Variants in COL11A1 observed in about 807,000 individuals in gnomAD.
COL11A1 encodes the protein collagen alpha-1(XI) chain.
COL11A1 carries 74 observed loss-of-function variants against 265.2 expected under a neutral mutation model. The ratio of observed to expected loss-of-function variants is 0.28; its 90% CI spans 0.23 to 0.34. The LOEUF (loss-of-function observed/expected upper bound fraction) is 0.34, where lower values mean the gene tolerates loss of function less well. Ranked by LOEUF, COL11A1 falls within the 10% of genes least tolerant of loss-of-function variation. COL11A1 has a pLI of 1.00. For missense variants in COL11A1, 2,165 were observed against 2,263.6 expected, an observed-to-expected ratio of 0.96 and a Z score of 0.88; for synonymous variants, 816 against 727.6, an observed-to-expected ratio of 1.12 and a Z score of -1.96.
intron 4 of COL11A1, among the ~76,000 whole-genome samples, chr1:103,034,440 T>A (rs1249353432): frequency 6.6e-6 from 1 of 152,066 alleles, no homozygotes; most frequent in Non-Finnish European, 1.5e-5. Context: ...GTACACTGAT[T>A]CTTTATTTTG....
chr1:102,939,323 A>G (rs1422158004), intron 43 of COL11A1, among the ~76,000 whole-genome samples: 2 of 152,230 alleles, frequency 1.3e-5, no homozygotes, highest in African/African-American at 2.4e-5. Context: ...TTATAATTCA[A>G]AAATCAATTT....
In COL11A1 at chr1:103,081,411, C is replaced by T. The variant is rs183447317; in HGVS notation, c.274+1394G>A. 4.0e-4 allele frequency among the ~76,000 whole-genome samples: 61 copies of T among 151,860 alleles called. 1 individual carries two copies. The East Asian group carries it at 0.011, about 28-fold the overall frequency. On this transcript the variant is annotated intron_variant, in intron 2 of 66. Transcript: ENST00000370096. The stretch of plus-strand genomic sequence containing the variant: ...GCACATAAATAGAAAAAGCAGCTTA[C>T]CTTTTTACTTTTAATTTTTTTAAAT...
At chr1:103,087,231 A>C (rs548057584) in intron 1 of COL11A1, among the ~76,000 whole-genome samples, 43 of 152,326 alleles carry the variant, frequency 2.8e-4, no homozygotes, top group African/African-American at 9.6e-4. Flanking sequence ...AATTCAGCAC[A>C]ATGTTTTGTT....
chr1:102,899,661 C>T (rs1652934897), intron 54 of COL11A1, among the ~76,000 whole-genome samples: 1 of 152,034 alleles, frequency 6.6e-6, no homozygotes, highest in Non-Finnish European at 1.5e-5. Flanking sequence ...ACTTAATGAT[C>T]TCTAAGAAAC....
chr1:102,986,523 T>C lies in COL11A1; in HGVS notation c.2502+1110A>G, dbSNP rs555873708. The stretch of plus-strand genomic sequence containing the variant: ...CACATGTATACATATGTAACTAACC[T>C]GCACGTTGTGCATTAAAGTATAGTA... On this transcript the variant is annotated intron_variant, in intron 30 of 66. Coordinates refer to ENST00000370096, the MANE Select transcript of COL11A1 (RefSeq NM_001854.4). Among the ~76,000 whole-genome samples, 4 of 152,216 alleles carry C rather than the reference T, an allele frequency of 2.6e-5. No homozygotes were observed. The South Asian group carries it at 8.3e-4, about 32-fold the overall frequency.
chr1:103,088,970 C>G (rs891738047), intron 1 of COL11A1, among the ~76,000 whole-genome samples: 1 of 152,280 alleles, frequency 6.6e-6, no homozygotes, highest in African/African-American at 2.4e-5. Flanking sequence ...TAAAAACTAT[C>G]GACTCGCCCA....
At chr1:102,903,361 A>T (rs1269279303) in intron 54 of COL11A1, among the ~76,000 whole-genome samples, 1 of 152,158 alleles carries the variant, frequency 6.6e-6, no homozygotes, top group Non-Finnish European at 1.5e-5. Context: ...ATTATCATTC[A>T]TGCGTAAGAT....
chr1:102,911,824 C>T (rs1280260666), intron 54 of COL11A1, among the ~76,000 whole-genome samples: 2 of 152,128 alleles, frequency 1.3e-5, no homozygotes, highest in Non-Finnish European at 2.9e-5. Flanking sequence ...CTTTTGACAG[C>T]TCATCCCCAT....
At chr1:103,068,970 A>G (rs972660431) in intron 4 of COL11A1, among the ~76,000 whole-genome samples, 1 of 151,756 alleles carries the variant, frequency 6.6e-6, no homozygotes, top group African/African-American at 2.4e-5. Context: ...AGAAAACTCC[A>G]TGATTTTTAA....
chr1:103,020,379 G>A lies in COL11A1; in HGVS notation c.1308+1328C>T, dbSNP rs1325653218. Among the ~76,000 whole-genome samples, 47 of 133,560 alleles carry A rather than the reference G, an allele frequency of 3.5e-4. No homozygotes were observed. In the South Asian group the frequency reaches 9.9e-3, roughly 28 times the overall value. 87.6% of individuals were successfully genotyped at this position (133,560 alleles called of 152,430 possible). Reference sequence around the variant, plus strand: ...TTTTCATGTGTTTTTTGGCTGCATAGATGTCTTCTTTTGAGAAGTGTCTGT... The same window carrying A: ...TTTTCATGTGTTTTTTGGCTGCATAAATGTCTTCTTTTGAGAAGTGTCTGT... On this transcript the variant is annotated intron_variant, in intron 9 of 66. Coordinates refer to ENST00000370096, the MANE Select transcript of COL11A1 (RefSeq NM_001854.4).
At chr1:102,939,171 C>T (rs1011592022) in intron 43 of COL11A1, 83 bp from the exon 44 acceptor site, 2 of 1,244,984 alleles carry the variant, frequency 1.6e-6, no homozygotes, top group African/African-American at 3.0e-5. Context: ...TTAAATTTTA[C>T]CTTTAATATA....
chr1:103,017,287 G>A (rs1256556229), intron 11 of COL11A1, among the ~76,000 whole-genome samples: 2 of 151,956 alleles, frequency 1.3e-5, no homozygotes. Flanking sequence ...AAAAGTATAA[G>A]TTATTTGCAT....
chr1:103,090,797 A>G (rs183177697), intron 1 of COL11A1, among the ~76,000 whole-genome samples: 218 of 152,294 alleles, frequency 1.4e-3, no homozygotes, highest in Non-Finnish European at 2.3e-3. Context: ...CCCTAGAGCT[A>G]TAATTAAATT....
intron 33 of COL11A1, 59 bp from the exon 34 acceptor site, chr1:102,978,972 A>G (rs1252668888): frequency 6.2e-7 from 1 of 1,609,980 alleles, no homozygotes; most frequent in Non-Finnish European, 8.5e-7. Flanking sequence ...AAAGACACTA[A>G]ATCAATTTTT....
intron 42 of COL11A1, among the ~76,000 whole-genome samples, chr1:102,945,247 A>ACTCTCTCTCTCTCT: frequency 7.7e-6 from 1 of 129,176 alleles, no homozygotes; most frequent in South Asian, 2.7e-4. Context: ...TTTTCTTTTT[A>ACTCTCTCTCTCTCT]CTCTCTCTCT....
In COL11A1 at chr1:102,934,534, G is replaced by A; in HGVS notation, c.3515C>T (p.Pro1172Leu). The change falls in exon 46 of 67, where the codon CCT becomes CTT. Residue 1172 changes from proline (P) to leucine (L), a missense_variant. Coordinates refer to ENST00000370096, the MANE Select transcript of COL11A1 (RefSeq NM_001854.4). Reference sequence around the variant, plus strand: ...CCCAAACATCCCCTGCTGTCCTCTAGGACCTGGTTCACCATCACCTCCCTA... The same window carrying A: ...CCCAAACATCCCCTGCTGTCCTCTAAGACCTGGTTCACCATCACCTCCCTA... ...GIAGGDGEPG[P>L]RGQQGMFGQK... is the part of the protein sequence containing the mutation. 2 of 1,613,978 alleles carry A rather than the reference G, an allele frequency of 1.2e-6. No homozygotes were observed. The highest frequency in any genetic ancestry group is 2.2e-5 in the South Asian group (2 of 91,076).
chr1:102,904,577 C>G (rs1214954917), intron 54 of COL11A1, among the ~76,000 whole-genome samples: 1 of 151,756 alleles, frequency 6.6e-6, no homozygotes, highest in Non-Finnish European at 1.5e-5. Context: ...TATGAACAGA[C>G]AGTTCTCAAA....
At chr1:102,885,648 A>G (rs938167389) in intron 63 of COL11A1, among the ~76,000 whole-genome samples, 1 of 152,184 alleles carries the variant, frequency 6.6e-6, no homozygotes, top group Non-Finnish European at 1.5e-5. Flanking sequence ...AATAAAAAAA[A>G]TCATCTAAGA....
intron 41 of COL11A1, 70 bp downstream of exon 41, chr1:102,961,796 T>G: frequency 4.7e-4 from 638 of 1,357,538 alleles, no homozygotes; most frequent in Non-Finnish European, 6.2e-4. Flanking sequence ...AATCACAGCA[T>G]GAGAGTAATG....
Sources: allele counts gnomAD v4.1 joint callset (sites outside exome capture counted in the v4.1 genomes callset), GRCh38; gene constraint gnomAD v4.1.1; transcripts MANE v1.5; gene names NCBI Gene and HGNC (gene_info 2026-07-23, HGNC 2026-07-21).